The following DCX variants were observed in gnomAD, a reference collection of about 807,000 sequenced individuals.
DCX encodes the protein doublecortin, also known as neuronal migration protein doublecortin.
DCX carries 4 observed loss-of-function variants against 20.9 expected under a neutral mutation model. The ratio of observed to expected loss-of-function variants is 0.19; its 90% CI spans 0.09 to 0.44. The LOEUF (loss-of-function observed/expected upper bound fraction) is 0.44. Ranked by LOEUF, DCX falls within the 20% of genes least tolerant of loss-of-function variation. DCX has a pLI of 0.99. For missense variants in DCX, 133 were observed against 296.9 expected, an observed-to-expected ratio of 0.45 and a Z score of 4.06; for synonymous variants, 103 against 111.4, an observed-to-expected ratio of 0.92 and a Z score of 0.47.
At chrX:111,310,027 A>T (rs2095053863) in intron 6 of DCX, among the ~76,000 whole-genome samples, 1 of 112,493 alleles carries the variant, frequency 8.9e-6, no homozygotes, top group Non-Finnish European at 1.9e-5. Context: ...TGTGATATTA[A>T]TCTCAAATTG....
chrX:111,410,626 G>A, intron 1 of DCX: 3 of 833,125 alleles, frequency 3.6e-6, no homozygotes, highest in Non-Finnish European at 5.4e-6. Flanking sequence ...AGAAGAAGGA[G>A]GGGCTGGGCG....
intron 3 of DCX, among the ~76,000 whole-genome samples, 166 bp downstream of exon 3, chrX:111,400,824 G>T (rs2147262384): frequency 8.9e-6 from 1 of 112,094 alleles, no homozygotes; most frequent in Non-Finnish European, 1.9e-5. Context: ...CTGATTCATT[G>T]CTTTGCCTGC....
intron 3 of DCX, among the ~76,000 whole-genome samples, chrX:111,396,871 A>G (rs946370013): frequency 1.8e-5 from 2 of 111,239 alleles, no homozygotes; most frequent in Non-Finnish European, 3.8e-5. Flanking sequence ...TATATCATTA[A>G]TAACTTCTTA....
chrX:111,330,726 T>C (rs763982215), intron 5 of DCX, among the ~76,000 whole-genome samples, 178 bp downstream of exon 5: 7 of 112,137 alleles, frequency 6.2e-5, no homozygotes, highest in Admixed American at 2.8e-4. Context: ...AATGGAATAA[T>C]GGTTGTAGCT....
intron 3 of DCX, among the ~76,000 whole-genome samples, chrX:111,391,702 T>A (rs1288710254): frequency 9.0e-6 from 1 of 111,207 alleles, no homozygotes; most frequent in Non-Finnish European, 1.9e-5. Context: ...ACCAAAAATA[T>A]ATCTACCAAG....
In DCX at chrX:111,297,415, G is replaced by C. The variant is rs2095023854; in HGVS notation, c.*4272C>G. On this transcript the variant is annotated 3_prime_UTR_variant, in exon 7 of 7. Transcript: ENST00000636035. ...AGCCATTTAGAATCAAATGTGCAGGGTGATTGGGAGCATTGTACCCAGAGT... is the reference window on the plus strand; with the variant it reads ...AGCCATTTAGAATCAAATGTGCAGGCTGATTGGGAGCATTGTACCCAGAGT... 8.9e-6 allele frequency: 1 copy of C among 112,040 alleles called. No homozygotes were observed. Among genetic ancestry groups the C allele is most frequent in the Non-Finnish European group, 1.9e-5 (1 of 53,236 alleles). 9.2% of individuals were successfully genotyped at this position (112,040 alleles called of 1,213,427 possible).
At chrX:111,406,222 G>A (rs1289030415) in intron 2 of DCX, among the ~76,000 whole-genome samples, 3 of 111,715 alleles carry the variant, frequency 2.7e-5, no homozygotes, top group East Asian at 2.8e-4. Flanking sequence ...CAAACACTGG[G>A]GCCCTAGCCC....
chrX:111,383,767 A>T (rs928169065), intron 3 of DCX, among the ~76,000 whole-genome samples: 4 of 111,359 alleles, frequency 3.6e-5, no homozygotes, highest in African/African-American at 1.3e-4. Context: ...AGGGAGATTT[A>T]AAAAATACTG....
rs190126010 is a variant in DCX, at chrX:111,333,234, C to T, written c.706-81G>A. ...CACACTACACTGACAAGGAGAAAAG[C>T]TTCCCATCTAGGCCATCATCTTCAG... On this transcript the variant is annotated intron_variant, in intron 3 of 6. Coordinates refer to ENST00000636035, the MANE Select transcript of DCX (RefSeq NM_001195553.2). The T allele has an allele frequency of 3.1e-4, 233 of 755,025 alleles. No individual in the cohort carries two copies. The African/African-American group carries it at 3.5e-3, about 11-fold the overall frequency. 62.2% of individuals were successfully genotyped at this position (755,025 alleles called of 1,213,427 possible).
rs183467301 is a variant in DCX, at chrX:111,301,187, G to A, written c.*500C>T. The stretch of plus-strand genomic sequence containing the variant: ...GGCCTCAATCAGGAGTGAAGAGTGA[G>A]GCTGGGGAGCTGCCTTGCTGTCCTT... On this transcript the variant is annotated 3_prime_UTR_variant, in exon 7 of 7. Transcript: ENST00000636035. 4.1e-4 allele frequency: 51 copies of A among 124,926 alleles called. No individual in the cohort carries two copies. The highest frequency in any genetic ancestry group is 8.3e-3 in the Middle Eastern group (2 of 240). The allele number at this position is 124,926 out of a possible 1,213,427, so 10.3% of individuals were successfully genotyped here.
intron 6 of DCX, 108 bp from the exon 7 acceptor site, chrX:111,301,851 AATT>A: frequency 1.4e-6 from 1 of 723,933 alleles, no homozygotes; most frequent in Non-Finnish European, 2.1e-6. Flanking sequence ...ACAACATAAT[AATT>A]ATAGATTCAC....
At chrX:111,342,434 C>A (rs1922374306) in intron 3 of DCX, among the ~76,000 whole-genome samples, 2 of 91,057 alleles carry the variant, frequency 2.2e-5, no homozygotes, top group Admixed American at 1.3e-4. Context: ...TAGAGGCCTA[C>A]AAAGAGACTT....
chrX:111,386,069 C>T (rs184268637), intron 3 of DCX, among the ~76,000 whole-genome samples: 13 of 111,788 alleles, frequency 1.2e-4, no homozygotes, highest in African/African-American at 4.2e-4. Context: ...TGTTCTGTTT[C>T]AGGCTGGGAC....
At chrX:111,343,099 T>TA (rs1922435249) in intron 3 of DCX, among the ~76,000 whole-genome samples, 1 of 92,331 alleles carries the variant, frequency 1.1e-5, no homozygotes, top group South Asian at 5.1e-4. Context: ...GCACACAAAC[T>TA]CCCCCCCACC....
At chrX:111,399,689 G>C (rs1327625697) in intron 3 of DCX, among the ~76,000 whole-genome samples, 1 of 111,711 alleles carries the variant, frequency 9.0e-6, no homozygotes, top group Non-Finnish European at 1.9e-5. Flanking sequence ...TTGGCAATCA[G>C]GCCTATACTT....
intron 3 of DCX, among the ~76,000 whole-genome samples, chrX:111,381,250 A>C (rs2147233527): frequency 9.1e-6 from 1 of 110,469 alleles, no homozygotes; most frequent in Non-Finnish European, 1.9e-5. Context: ...AAACTTAACA[A>C]GGTTGAATTA....
Position 111,301,207 on chromosome X carries a change from G to A in DCX, c.*480C>T, listed in dbSNP as rs1276860109. ...AGTGAGGCTGGGGAGCTGCCTTGCT[G>A]TCCTTCCAGGGTCCTCCACCATTCT... On this transcript the variant is annotated 3_prime_UTR_variant, in exon 7 of 7. Coordinates refer to ENST00000636035, the MANE Select transcript of DCX (RefSeq NM_001195553.2). The A allele has an allele frequency of 7.8e-6, 1 of 127,658 alleles. No homozygotes were observed. The highest frequency in any genetic ancestry group is 3.2e-5 in the African/African-American group (1 of 31,147). The allele number at this position is 127,658 out of a possible 1,213,427, so 10.5% of individuals were successfully genotyped here.
At chrX:111,307,380 T>C (rs1238479587) in intron 6 of DCX, among the ~76,000 whole-genome samples, 1 of 110,080 alleles carries the variant, frequency 9.1e-6, no homozygotes, top group African/African-American at 3.3e-5. Context: ...TGTAATGATG[T>C]GTACAAATGT....
chrX:111,323,603 GTTTTTTTTTTT>G (rs780794851), intron 5 of DCX, among the ~76,000 whole-genome samples: 2 of 52,179 alleles, frequency 3.8e-5, no homozygotes, highest in Non-Finnish European at 7.1e-5. Flanking sequence ...TATTATTTCT[GTTTTTTTTTTT>G]TTTTTTTTTT....
Sources: allele counts gnomAD v4.1 joint callset (sites outside exome capture counted in the v4.1 genomes callset), GRCh38; gene constraint gnomAD v4.1.1; transcripts MANE v1.5; gene names NCBI Gene and HGNC (gene_info 2026-07-23, HGNC 2026-07-21).